The following ADAMTS18 variants were observed in gnomAD, a reference collection of about 807,000 sequenced individuals.
ADAMTS18 encodes ADAM metallopeptidase with thrombospondin type 1 motif 18, also known as A disintegrin and metalloproteinase with thrombospondin motifs 18.
A neutral mutation model predicts 165.9 loss-of-function variants in ADAMTS18; 157 were observed. The observed-to-expected ratio is 0.95, with a 90% CI of 0.83 to 1.08. The LOEUF (loss-of-function observed/expected upper bound fraction) is 1.08. ADAMTS18 is among the 50% of genes least tolerant of loss of function. The pLI is 0.00. For missense variants in ADAMTS18, 2,040 were observed against 1,534.0 expected (o/e 1.33, Z -5.51); for synonymous variants, 782 against 578.2 (o/e 1.35, Z -5.06).
At chr16:77,370,789 C>CTA (rs1567520085) in intron 3 of ADAMTS18, among the ~76,000 whole-genome samples, 3 of 131,062 alleles carry the variant, frequency 2.3e-5, no homozygotes, top group East Asian at 4.5e-4. Flanking sequence ...ATAATAGCTA[C>CTA]GATATATATA....
At chr16:77,413,048 T>TA (rs888443324) in intron 3 of ADAMTS18, among the ~76,000 whole-genome samples, 6 of 151,570 alleles carry the variant, frequency 4.0e-5, no homozygotes, top group African/African-American at 7.3e-5. Flanking sequence ...TTTATATGTA[T>TA]AAAAAAAAAC....
rs555569804 is a variant in ADAMTS18, at chr16:77,321,901, A to G, written c.2163+435T>C. Among the ~76,000 whole-genome samples the G allele has an allele frequency of 5.9e-5, 9 of 152,196 alleles. No individual in the cohort carries two copies. The East Asian group carries it at 1.7e-3, about 30-fold the overall frequency. On this transcript the variant is annotated intron_variant, in intron 14 of 22. Transcript: ENST00000282849. ...CCAGGCGTGGTGGCTCACGCCTATA[A>G]TCCCAGCACTTTGGGAGGCTGAAGC...
chr16:77,348,425 G>T (rs958415429), intron 10 of ADAMTS18, among the ~76,000 whole-genome samples: 1 of 152,180 alleles, frequency 6.6e-6, no homozygotes, highest in Admixed American at 6.5e-5. Context: ...ATCCGAGGCA[G>T]GCAACCTCCA....
At chr16:77,396,346 T>C (rs559848642) in intron 3 of ADAMTS18, among the ~76,000 whole-genome samples, 33 of 152,222 alleles carry the variant, frequency 2.2e-4, no homozygotes, top group Non-Finnish European at 4.3e-4. Flanking sequence ...TTTATCAATA[T>C]GGCTTCAAAC....
intron 3 of ADAMTS18, among the ~76,000 whole-genome samples, chr16:77,400,478 GTGTTTTGT>G (rs1409855168): frequency 3.3e-5 from 4 of 119,872 alleles, no homozygotes; most frequent in African/African-American, 1.2e-4. Context: ...GTGTGTGTGT[GTGTTTTGT>G]TTTTTTTTTT....
intron 3 of ADAMTS18, among the ~76,000 whole-genome samples, chr16:77,381,483 G>C (rs1435515670): frequency 1.3e-5 from 2 of 152,148 alleles, no homozygotes; most frequent in African/African-American, 4.8e-5. Flanking sequence ...ATTCTCAGAA[G>C]TGAGTGCTGA....
intron 16 of ADAMTS18, among the ~76,000 whole-genome samples, chr16:77,317,336 T>C (rs1361784834): frequency 6.6e-6 from 1 of 152,124 alleles, no homozygotes; most frequent in Admixed American, 6.5e-5. Context: ...AACGCAGTGA[T>C]TTCTTTTGTT....
intron 3 of ADAMTS18, among the ~76,000 whole-genome samples, chr16:77,382,914 GGGA>G (rs1288078275): frequency 1.3e-5 from 2 of 152,118 alleles, no homozygotes; most frequent in Non-Finnish European, 2.9e-5. Flanking sequence ...TTGAATGTCT[GGGA>G]GGAGAAGATC....
At chr16:77,419,842 T>C (rs372028692) in intron 3 of ADAMTS18, among the ~76,000 whole-genome samples, 3 of 151,278 alleles carry the variant, frequency 2.0e-5, no homozygotes, top group East Asian at 2.0e-4. Flanking sequence ...CTACTAAAAA[T>C]AGAAAAAATT....
intron 7 of ADAMTS18, among the ~76,000 whole-genome samples, chr16:77,361,360 T>C (rs908633293): frequency 1.3e-5 from 2 of 152,210 alleles, no homozygotes; most frequent in African/African-American, 4.8e-5. Context: ...ATATAAAAGA[T>C]GCAATTCTTG....
At chr16:77,308,330 T>C (rs1259886928) in intron 16 of ADAMTS18, among the ~76,000 whole-genome samples, 1 of 152,226 alleles carries the variant, frequency 6.6e-6, no homozygotes, top group Non-Finnish European at 1.5e-5. Flanking sequence ...AGTTACTTCA[T>C]AATGAAACAC....
chr16:77,300,173 T>G (rs1406909100), intron 17 of ADAMTS18, 90 bp downstream of exon 17: 4 of 1,513,646 alleles, frequency 2.6e-6, no homozygotes, highest in Non-Finnish European at 3.7e-6. Context: ...GGGTGGCTTA[T>G]TTAAACCATA....
chr16:77,331,492 A>C (rs1461254482), intron 12 of ADAMTS18, among the ~76,000 whole-genome samples: 5 of 152,082 alleles, frequency 3.3e-5, no homozygotes, highest in Non-Finnish European at 7.3e-5. Flanking sequence ...CATTGTTTTA[A>C]TACTGTTATT....
chr16:77,390,801 A>G (rs972446158), intron 3 of ADAMTS18, among the ~76,000 whole-genome samples: 1 of 152,122 alleles, frequency 6.6e-6, no homozygotes, highest in Non-Finnish European at 1.5e-5. Context: ...CACTACCCAT[A>G]TGTGGTTATT....
At chr16:77,433,571 C>G (rs963600577) in intron 2 of ADAMTS18, 1 of 152,220 alleles carries the variant, frequency 6.6e-6, no homozygotes, top group African/African-American at 2.4e-5. Flanking sequence ...GAAACTGCAG[C>G]CTCTCTGTTT....
At chr16:77,432,016 A>T (rs922838055) in intron 2 of ADAMTS18, among the ~76,000 whole-genome samples, 1 of 152,202 alleles carries the variant, frequency 6.6e-6, no homozygotes, top group Non-Finnish European at 1.5e-5. Context: ...TAAAACTACA[A>T]AATCGGGAAA....
intron 3 of ADAMTS18, among the ~76,000 whole-genome samples, chr16:77,407,285 T>C (rs1431471067): frequency 1.3e-5 from 2 of 152,026 alleles, no homozygotes; most frequent in Non-Finnish European, 2.9e-5. Context: ...AATCTAAGAA[T>C]GAGCAAGATC....
chr16:77,323,939 C>G (rs997659610), intron 13 of ADAMTS18, among the ~76,000 whole-genome samples: 3 of 152,208 alleles, frequency 2.0e-5, no homozygotes, highest in Admixed American at 6.5e-5. Context: ...AAATTGCATG[C>G]TCCCTACTCA....
chr16:77,387,284 C>A (rs1276311654), intron 3 of ADAMTS18, among the ~76,000 whole-genome samples: 2 of 152,210 alleles, frequency 1.3e-5, no homozygotes, highest in African/African-American at 4.8e-5. Context: ...TTGCCAAACT[C>A]TGGCTCATTT....
Sources: gnomAD v4.1 joint callset for allele counts (sites outside exome capture counted in the v4.1 genomes callset) on GRCh38, gnomAD v4.1.1 for gene constraint, MANE v1.5 for transcripts, NCBI Gene and HGNC (gene_info 2026-07-23, HGNC 2026-07-21) for gene names.